KLF7: variants seen among roughly 807,000 people sequenced by gnomAD.
The protein encoded by KLF7 is Krueppel-like factor 7.
A neutral mutation model predicts 27.3 loss-of-function variants in KLF7; 2 were observed. The ratio of observed to expected loss-of-function variants is 0.07; its 90% CI spans 0.03 to 0.23. The LOEUF (loss-of-function observed/expected upper bound fraction) is 0.23. Among genes scored for constraint, KLF7 ranks in the 10% least tolerant of loss-of-function variants. The pLI is 1.00. For synonymous variants in KLF7, 165 were observed against 162.4 expected, an observed-to-expected ratio of 1.02 and a Z score of -0.12; for missense variants, 221 against 394.1, an observed-to-expected ratio of 0.56 and a Z score of 3.72.
Position 207,156,956 on chromosome 2 carries a change from A to G in KLF7, c.102+8511T>C, listed in dbSNP as rs1193255786. On this transcript the variant is annotated intron_variant, in intron 1 of 3. Coordinates refer to ENST00000309446, the MANE Select transcript of KLF7 (RefSeq NM_003709.4). ...TACTGGAATTGCCTGAAAGCTTTAC[A>G]AACACTGATGCCCGGGTCCTTCCCA... Among the ~76,000 whole-genome samples the G allele has an allele frequency of 2.0e-5, 3 of 152,222 alleles. No individual in the cohort carries two copies. The East Asian group carries it at 5.8e-4, about 29-fold the overall frequency.
chr2:207,113,526 C>T (rs1232369957), intron 2 of KLF7, among the ~76,000 whole-genome samples: 2 of 144,658 alleles, frequency 1.4e-5, no homozygotes, highest in Admixed American at 7.5e-5. Flanking sequence ...AGCAGAGCAG[C>T]AGGCCCAGAC....
intron 1 of KLF7, among the ~76,000 whole-genome samples, chr2:207,157,131 T>C (rs1466835700): frequency 6.9e-6 from 1 of 143,984 alleles, no homozygotes; most frequent in Non-Finnish European, 1.5e-5. Flanking sequence ...AAGCAGGTGA[T>C]ACATTAAAAG....
chr2:207,082,362 G>T (rs2287505), intron 3 of KLF7, among the ~76,000 whole-genome samples: 39,363 of 151,994 alleles, frequency 0.26, 5,377 homozygotes, highest in African/African-American at 0.34. Context: ...AGAGTTGGCT[G>T]GAGAATGAAG....
At chr2:207,099,573 TGAAA>T (rs2076714640) in intron 2 of KLF7, among the ~76,000 whole-genome samples, 13 of 130,552 alleles carry the variant, frequency 1.0e-4, no homozygotes, top group Non-Finnish European at 1.6e-4. Context: ...TATATATATA[TGAAA>T]AGAGATAGAT....
intron 1 of KLF7, among the ~76,000 whole-genome samples, chr2:207,145,618 A>T (rs182039842): frequency 1.5e-3 from 226 of 152,358 alleles, no homozygotes; most frequent in African/African-American, 5.2e-3. Flanking sequence ...AGATGAGTAG[A>T]AATATTCCTT....
At chr2:207,126,943 T>C (rs1359761156) in intron 1 of KLF7, among the ~76,000 whole-genome samples, 1 of 152,344 alleles carries the variant, frequency 6.6e-6, no homozygotes, top group Non-Finnish European at 1.5e-5. Flanking sequence ...GCCATTTATT[T>C]ACATACTATC....
chr2:207,154,069 C>A (rs761526447), intron 1 of KLF7, among the ~76,000 whole-genome samples: 5 of 152,166 alleles, frequency 3.3e-5, no homozygotes, highest in Non-Finnish European at 7.3e-5. Context: ...GAGGCCAATT[C>A]AAAAACACCC....
At chr2:207,166,770 GA>G, upstream of KLF7, 3 of 987,692 alleles carry the variant, frequency 3.0e-6, no homozygotes, top group African/African-American at 1.7e-5. Context: ...AAAACAAGCA[GA>G]AAAGGCATCC....
intron 1 of KLF7, among the ~76,000 whole-genome samples, chr2:207,159,073 G>A (rs551951714): frequency 1.3e-5 from 2 of 152,276 alleles, no homozygotes; most frequent in South Asian, 2.1e-4. Flanking sequence ...GAGATTCTAT[G>A]TTCCTCGCTT....
intron 2 of KLF7, among the ~76,000 whole-genome samples, chr2:207,092,837 T>C (rs2076542984): frequency 6.6e-6 from 1 of 152,222 alleles, no homozygotes; most frequent in African/African-American, 2.4e-5. Flanking sequence ...TTATAAAATA[T>C]ATATTCAATA....
At chr2:207,135,570 A>G (rs978471279) in intron 1 of KLF7, among the ~76,000 whole-genome samples, 7 of 152,282 alleles carry the variant, frequency 4.6e-5, no homozygotes, top group African/African-American at 1.4e-4. Context: ...GCATTTGTCA[A>G]ATGAATGAAT....
At chr2:207,098,445 CTG>C (rs1352428257) in intron 2 of KLF7, among the ~76,000 whole-genome samples, 6 of 152,150 alleles carry the variant, frequency 3.9e-5, no homozygotes, top group Admixed American at 3.3e-4. Flanking sequence ...TGTTATCACT[CTG>C]TAAGTCAAGT....
chr2:207,106,929 C>A (rs993496193), intron 2 of KLF7, among the ~76,000 whole-genome samples: 1 of 152,122 alleles, frequency 6.6e-6, no homozygotes, highest in Non-Finnish European at 1.5e-5. Flanking sequence ...GAGTCAGACC[C>A]AGACTCAAAA....
chr2:207,168,580 T>C (rs2078761774), upstream of KLF7, among the ~76,000 whole-genome samples: 1 of 152,166 alleles, frequency 6.6e-6, no homozygotes. Context: ...CAAAAATTGC[T>C]TGGGTGGGGC....
chr2:207,147,979 A>AT (rs3216674), intron 1 of KLF7, among the ~76,000 whole-genome samples: 133 of 150,076 alleles, frequency 8.9e-4, no homozygotes, highest in South Asian at 5.3e-3. Context: ...GATCTGAAGC[A>AT]TTTTTTTTTT....
chr2:207,153,044 T>C (rs2078286985), intron 1 of KLF7, among the ~76,000 whole-genome samples: 1 of 152,162 alleles, frequency 6.6e-6, no homozygotes, highest in South Asian at 2.1e-4. Flanking sequence ...AATCTCACTG[T>C]TCCTAAATCT....
Position 207,079,044 on chromosome 2 carries a change from T to C in KLF7, c.*2169A>G, listed in dbSNP as rs1204935117. ...TGTGTTAACGGGTGTTCTTTCTTTT[T>C]TTTTCGTTTTGTATTATTTTGTTTT... is the stretch of plus-strand genomic sequence containing the variant. On this transcript the variant is annotated 3_prime_UTR_variant, in exon 4 of 4. Transcript: ENST00000309446. 1 of 149,918 alleles carries C rather than the reference T, an allele frequency of 6.7e-6. No homozygotes were observed. Among genetic ancestry groups the C allele is most frequent in the Non-Finnish European group, 1.5e-5 (1 of 67,756 alleles). 9.3% of individuals were successfully genotyped at this position (149,918 alleles called of 1,614,324 possible). A position where few individuals can be genotyped will look rare whatever the true frequency, so the allele number is the denominator to read the frequency against.
In KLF7 at chr2:207,081,234, G is replaced by A; in HGVS notation, c.888C>T (p.Leu296=). 1 of 1,614,118 alleles carries A rather than the reference G, an allele frequency of 6.2e-7. No homozygotes were observed. The highest frequency in any genetic ancestry group is 8.5e-7 in the Non-Finnish European group (1 of 1,179,962). ...RCFSRSDHLA[L]HMKRHI is the part of the protein sequence containing the mutation. ...TTTTTTAGATATGTCTCTTCATGTG[G>A]AGGGCAAGATGGTCAGACCTGGAAA... The change falls in exon 4 of 4, where the codon CTC becomes CTT. Residue 296 remains leucine, a synonymous_variant. Transcript: ENST00000309446.
intron 1 of KLF7, among the ~76,000 whole-genome samples, chr2:207,131,840 T>C (rs909097956): frequency 2.0e-5 from 3 of 152,202 alleles, no homozygotes. Flanking sequence ...AGATGTACTA[T>C]GCTTAATAAA....
Sources: gnomAD v4.1 joint callset for allele counts (sites outside exome capture counted in the v4.1 genomes callset) on GRCh38, gnomAD v4.1.1 for gene constraint, MANE v1.5 for transcripts, NCBI Gene and HGNC (gene_info 2026-07-23, HGNC 2026-07-21) for gene names.